The following FAM20B variants were observed in gnomAD, a reference collection of about 807,000 sequenced individuals.
The protein encoded by FAM20B is FAM20B glycosaminoglycan xylosylkinase.
A neutral mutation model predicts 43.8 loss-of-function variants in FAM20B; 23 were observed. The observed-to-expected ratio is 0.53, with a 90% confidence interval of 0.38 to 0.74. FAM20B has a LOEUF of 0.74. Ranked by LOEUF, FAM20B falls within the 30% of genes least tolerant of loss-of-function variation. The pLI is 0.00. For synonymous variants in FAM20B, 178 were observed against 192.4 expected, an observed-to-expected ratio of 0.93 and a Z score of 0.62; for missense variants, 440 against 510.5, an observed-to-expected ratio of 0.86 and a Z score of 1.33.
At chr1:179,069,146 A>C (rs1367039563) in intron 7 of FAM20B, among the ~76,000 whole-genome samples, 1 of 152,098 alleles carries the variant, frequency 6.6e-6, no homozygotes, top group Non-Finnish European at 1.5e-5. Context: ...GGCCAGGCTA[A>C]GGCTTCAGGT....
At chr1:179,068,053 G>A (rs111333026) in intron 7 of FAM20B, among the ~76,000 whole-genome samples, 588 of 152,226 alleles carry the variant, frequency 3.9e-3, no homozygotes, top group Non-Finnish European at 5.8e-3. Context: ...GTGAGCCACC[G>A]CGCCCGACCA....
rs1183279508 is a variant in FAM20B at position 179,075,312 on chromosome 1, G to GT, written c.*3169dup. 1 of 152,110 alleles carries GT rather than the reference G, an allele frequency of 6.6e-6. No homozygotes were observed. The highest frequency in any genetic ancestry group is 2.4e-5 in the African/African-American group (1 of 41,424). 9.4% of individuals were successfully genotyped at this position (152,110 alleles called of 1,614,324 possible). ...AGGGTTTGGATCAGCTGTAAGTTAG[G>GT]TATGCCTACCAAACATCCAAAGGTA... On this transcript the variant is annotated 3_prime_UTR_variant, in exon 8 of 8. Coordinates refer to ENST00000263733, the MANE Select transcript of FAM20B (RefSeq NM_014864.4).
intron 1 of FAM20B, among the ~76,000 whole-genome samples, chr1:179,032,784 A>G (rs1380766094): frequency 6.6e-6 from 1 of 152,230 alleles, no homozygotes; most frequent in African/African-American, 2.4e-5. Context: ...GAAGAATAGC[A>G]TGCTGTTGTG....
rs542299020 is a variant in FAM20B, at chr1:179,040,168, A to G, written c.-133-3547A>G. On this transcript the variant is annotated intron_variant, in intron 1 of 7. Coordinates refer to ENST00000263733, the MANE Select transcript of FAM20B (RefSeq NM_014864.4). ...GACACGGCAACCATCCGACTCCTCAATCCTTTCCCCACCCTTCCCCCCTTT... is the reference window on the plus strand; with the variant it reads ...GACACGGCAACCATCCGACTCCTCAGTCCTTTCCCCACCCTTCCCCCCTTT... Among the ~76,000 whole-genome samples the G allele has an allele frequency of 6.6e-5, 10 of 152,294 alleles. No homozygotes were observed. In the East Asian group the frequency reaches 7.7e-4, roughly 12 times the overall value.
At chr1:179,060,295 C>T (rs1298498869) in intron 4 of FAM20B, among the ~76,000 whole-genome samples, 1 of 152,158 alleles carries the variant, frequency 6.6e-6, no homozygotes, top group African/African-American at 2.4e-5. Context: ...TTTTATTGGA[C>T]TTAAATGTTG....
At chr1:179,046,154 T>A (rs182535711) in intron 2 of FAM20B, among the ~76,000 whole-genome samples, 38 of 152,310 alleles carry the variant, frequency 2.5e-4, no homozygotes, top group African/African-American at 8.4e-4. Context: ...CCCATATTTG[T>A]TAGAGTTGTA....
chr1:179,028,100 T>C (rs1649864467), intron 1 of FAM20B, among the ~76,000 whole-genome samples: 1 of 152,188 alleles, frequency 6.6e-6, no homozygotes, highest in Non-Finnish European at 1.5e-5. Context: ...TCCCACACTT[T>C]GTGTGTCTAT....
chr1:179,065,312 T>G (rs1651645051), intron 6 of FAM20B, among the ~76,000 whole-genome samples: 1 of 152,138 alleles, frequency 6.6e-6, no homozygotes, highest in South Asian at 2.1e-4. Context: ...TAATTTTGTA[T>G]TTTTAGTAGA....
intron 3 of FAM20B, among the ~76,000 whole-genome samples, chr1:179,052,385 A>G (rs990767749): frequency 2.0e-5 from 3 of 152,192 alleles, no homozygotes; most frequent in Admixed American, 2.0e-4. Context: ...AAAAAAAGAT[A>G]ATACTTTATT....
intron 4 of FAM20B, among the ~76,000 whole-genome samples, chr1:179,063,217 C>A (rs150269600): frequency 1.3e-5 from 2 of 151,956 alleles, no homozygotes; most frequent in South Asian, 4.1e-4. Flanking sequence ...GCAGAGGTTG[C>A]AGTGAGCCAA....
intron 7 of FAM20B, among the ~76,000 whole-genome samples, chr1:179,068,770 G>A (rs1028898181): frequency 2.0e-5 from 3 of 152,154 alleles, no homozygotes; most frequent in African/African-American, 7.2e-5. Context: ...TAACAGGAGT[G>A]ACTATAAAAG....
intron 1 of FAM20B, among the ~76,000 whole-genome samples, chr1:179,042,157 A>C (rs948869686): frequency 6.6e-6 from 1 of 152,124 alleles, no homozygotes; most frequent in Non-Finnish European, 1.5e-5. Context: ...CGTTCTACCC[A>C]CTCAGCCTTG....
chr1:179,024,539 T>A (rs1402258046), upstream of FAM20B, among the ~76,000 whole-genome samples: 2 of 152,326 alleles, frequency 1.3e-5, no homozygotes, highest in East Asian at 3.9e-4. Context: ...TTCCAGCTCA[T>A]TTTCCCAAGA....
chr1:179,037,270 G>C (rs1380190146), intron 1 of FAM20B, among the ~76,000 whole-genome samples: 1 of 152,094 alleles, frequency 6.6e-6, no homozygotes, highest in Non-Finnish European at 1.5e-5. Flanking sequence ...ATGAAAGACG[G>C]CTGTAAAGAA....
chr1:179,063,812 G>A, intron 4 of FAM20B, 115 bp from the exon 5 acceptor site: 1 of 674,972 alleles, frequency 1.5e-6, no homozygotes, highest in Non-Finnish European at 2.5e-6. Flanking sequence ...GTAAACTCAG[G>A]GTCTTTGTTT....
intron 7 of FAM20B, among the ~76,000 whole-genome samples, chr1:179,068,985 T>TG (rs1207354477): frequency 2.6e-5 from 4 of 152,192 alleles, no homozygotes; most frequent in Admixed American, 2.6e-4. Flanking sequence ...TGTCATGACA[T>TG]GCAGAAGGAG....
intron 1 of FAM20B, among the ~76,000 whole-genome samples, chr1:179,029,518 G>A (rs944950112): frequency 1.3e-5 from 2 of 152,198 alleles, no homozygotes; most frequent in East Asian, 3.8e-4. Flanking sequence ...TGACAGATGG[G>A]TGCGTCTGTC....
rs759932010 is a variant in FAM20B at position 179,064,395 on chromosome 1, T to G, written c.837T>G (p.Ala279=). 6.2e-7 allele frequency: 1 copy of G among 1,614,200 alleles called. No individual in the cohort carries two copies. The highest frequency in any genetic ancestry group is 8.5e-7 in the Non-Finnish European group (1 of 1,180,004). Residue 279 remains alanine (A), a synonymous_variant, in exon 6 of 8, where the codon GCT becomes GCG. Coordinates refer to ENST00000263733, the MANE Select transcript of FAM20B (RefSeq NM_014864.4). ...GPRLLDIIDT[A]VFDYLIGNAD... ...GCCTCTTGGACATCATTGACACAGC[T>G]GTCTTTGATTACCTGATTGGCAATG...
chr1:179,029,611 C>A (rs1210064519), intron 1 of FAM20B, among the ~76,000 whole-genome samples: 13 of 152,154 alleles, frequency 8.5e-5, no homozygotes, highest in Non-Finnish European at 4.4e-5. Context: ...TCTGTACTTT[C>A]TGGCAAGATA....
Sources: allele counts gnomAD v4.1 joint callset (sites outside exome capture counted in the v4.1 genomes callset), GRCh38; gene constraint gnomAD v4.1.1; transcripts MANE v1.5; gene names NCBI Gene and HGNC (gene_info 2026-07-23, HGNC 2026-07-21).